Variants in DOCK9 observed in about 807,000 individuals in gnomAD.
The protein encoded by DOCK9 is dedicator of cytokinesis protein 9.
In DOCK9, 89 loss-of-function variants were observed where a neutral mutation model predicts 263.3. That is an observed-to-expected ratio of 0.34 (90% CI 0.28 to 0.40). DOCK9 has a LOEUF of 0.40. Ranked by LOEUF, DOCK9 falls within the 10% of genes least tolerant of loss-of-function variation. The pLI, the probability that DOCK9 is intolerant of heterozygous loss-of-function variation, is 1.00. For missense variants in DOCK9, 2,140 were observed against 2,603.4 expected (o/e 0.82, Z 3.87); for synonymous variants, 976 against 973.1 (o/e 1.00, Z -0.06).
chr13:98,989,864 C>T (rs1438468240), intron 1 of DOCK9, among the ~76,000 whole-genome samples: 1 of 152,212 alleles, frequency 6.6e-6, no homozygotes, highest in Non-Finnish European at 1.5e-5. Context: ...CCTCTTCCCC[C>T]ACTCCTCCTT....
chr13:99,021,766 C>T (rs1165317096), intron 1 of DOCK9, among the ~76,000 whole-genome samples: 3 of 151,872 alleles, frequency 2.0e-5, no homozygotes, highest in Non-Finnish European at 4.4e-5. Context: ...CTCCAAACAC[C>T]GCATGTTCTC....
intron 1 of DOCK9, among the ~76,000 whole-genome samples, chr13:99,028,305 A>G (rs1053221921): frequency 6.6e-6 from 1 of 152,174 alleles, no homozygotes; most frequent in Admixed American, 6.5e-5. Context: ...AAGAGTCAGG[A>G]AGGACCACGG....
intron 13 of DOCK9, among the ~76,000 whole-genome samples, chr13:98,900,270 T>C (rs150333385): frequency 8.5e-5 from 13 of 152,326 alleles, no homozygotes; most frequent in African/African-American, 2.4e-4. Flanking sequence ...TACACCAATA[T>C]GAGCTGCCAA....
rs533788602 is a variant in DOCK9, at chr13:98,950,308, C to G, written c.243+5127G>C. On this transcript the variant is annotated intron_variant, in intron 2 of 52. Coordinates refer to ENST00000682017, the MANE Select transcript of DOCK9 (RefSeq NM_001366683.2). ...TAGGAATGATTCCAGTCGCTTAAAC[C>G]TGAGCTGTTTTCCTTTCTTCTGCTC... 6.8e-5 allele frequency: 54 copies of G among 789,500 alleles called. No homozygotes were observed. The African/African-American group carries it at 8.2e-4, about 12-fold the overall frequency. The allele number at this position is 789,500 out of a possible 1,614,324, so 48.9% of individuals were successfully genotyped here.
intron 27 of DOCK9, among the ~76,000 whole-genome samples, chr13:98,878,979 C>A (rs878996674): frequency 6.6e-6 from 1 of 152,102 alleles, no homozygotes; most frequent in African/African-American, 2.4e-5. Context: ...CAGCACCACC[C>A]GCTCCCTGCA....
Position 98,925,878 on chromosome 13 carries a change from A to G in DOCK9, c.375T>C (p.Tyr125=), listed in dbSNP as rs773101660. 1.3e-6 allele frequency: 2 copies of G among 1,586,552 alleles called. No homozygotes were observed. Among genetic ancestry groups the G allele is most frequent in the African/African-American group, 2.7e-5 (2 of 74,542 alleles). ...ACTCTCCTGAGTAATCTTCATATTT[A>G]TAGTTCACAAGATGCCAGTCAGAGT... is the stretch of plus-strand genomic sequence containing the variant. The part of the protein sequence containing the change: ...TYNSDWHLVN[Y]KYEDYSGEFR... The change falls in exon 4 of 53, where the codon TAT becomes TAC. Residue 125 remains tyrosine, a synonymous_variant. Transcript: ENST00000682017.
intron 49 of DOCK9, among the ~76,000 whole-genome samples, chr13:98,803,122 A>G (rs1218929933): frequency 7.2e-5 from 11 of 152,088 alleles, no homozygotes; most frequent in Admixed American, 6.5e-4. Flanking sequence ...GGCTGTCTCA[A>G]CCCACAGCTG....
intron 1 of DOCK9, among the ~76,000 whole-genome samples, chr13:99,074,901 G>A (rs1439402672): frequency 2.6e-5 from 4 of 152,124 alleles, no homozygotes; most frequent in East Asian, 1.9e-4. Flanking sequence ...GGTGTCACAC[G>A]GTGTTTTAAG....
chr13:99,034,852 CCAG>C (rs1391482580), intron 1 of DOCK9, among the ~76,000 whole-genome samples: 1 of 152,124 alleles, frequency 6.6e-6, no homozygotes, highest in African/African-American at 2.4e-5. Context: ...AAGGTGGATG[CCAG>C]GAGTTGAGGT....
Position 98,826,947 on chromosome 13 carries a change from C to T in DOCK9, c.4966-60G>A, listed in dbSNP as rs1447522619. ...TCATAACAGCAAGTCATAATGCTCC[C>T]ACACAGACAGAAATCTAATCAATGT... On this transcript the variant is annotated intron_variant, in intron 43 of 52. Coordinates refer to ENST00000682017, the MANE Select transcript of DOCK9 (RefSeq NM_001366683.2). 7.6e-6 allele frequency: 10 copies of T among 1,310,862 alleles called. No homozygotes were observed. In the Admixed American group the frequency reaches 2.0e-4, roughly 27 times the overall value. 81.2% of individuals were successfully genotyped at this position (1,310,862 alleles called of 1,614,324 possible).
chr13:99,086,925 G>A (rs1314348679), upstream of DOCK9, among the ~76,000 whole-genome samples: 1 of 152,054 alleles, frequency 6.6e-6, no homozygotes, highest in Non-Finnish European at 1.5e-5. Flanking sequence ...ACGCCACCAA[G>A]AGGGCGCACA....
At chr13:98,926,861 C>T (rs944318053) in intron 3 of DOCK9, among the ~76,000 whole-genome samples, 3 of 152,232 alleles carry the variant, frequency 2.0e-5, no homozygotes, top group African/African-American at 7.2e-5. Context: ...TTATTTGGCT[C>T]TGGCTGTAAC....
At chr13:99,015,478 T>C in intron 1 of DOCK9, 1 of 1,597,292 alleles carries the variant, frequency 6.3e-7, no homozygotes, top group Non-Finnish European at 8.5e-7. Flanking sequence ...TTCTGAATCT[T>C]CTTTTGTCCA....
chr13:98,990,080 C>T (rs1448554136), intron 1 of DOCK9, among the ~76,000 whole-genome samples: 2 of 152,174 alleles, frequency 1.3e-5, no homozygotes, highest in Non-Finnish European at 2.9e-5. Context: ...TGCTCACAGC[C>T]TCAGTTACAA....
intron 19 of DOCK9, 60 bp downstream of exon 19, chr13:98,886,470 AAT>A: frequency 6.9e-7 from 1 of 1,452,026 alleles, no homozygotes; most frequent in South Asian, 1.2e-5. Flanking sequence ...TTACCAGGCA[AAT>A]ACATTAAAGT....
intron 52 of DOCK9, chr13:98,796,153 T>C: frequency 2.8e-6 from 4 of 1,415,308 alleles, no homozygotes; most frequent in Non-Finnish European, 3.9e-6. Flanking sequence ...AAAAAAGTAA[T>C]AGCTTTTTCT....
rs1400926892 is a variant in DOCK9, at chr13:98,824,480, G to A, written c.5048C>T (p.Ala1683Val). The A allele has an allele frequency of 6.2e-7, 1 of 1,613,854 alleles. No individual in the cohort carries two copies. The highest frequency in any genetic ancestry group is 1.1e-5 in the South Asian group (1 of 91,082). ...GATGTTTGGGGTAATGACCCTGAAG[G>A]CGGTGCATCCTTGTCTAAACACGCC... The part of the protein sequence containing the change: ...RKGVFRQGCT[A>V]FRVITPNIDE... The change falls in exon 45 of 53, where the codon GCC (alanine) becomes GTC (valine). Residue 1683 changes from alanine to valine, a missense_variant. Around this residue, in one of 2 missense-constraint regions of DOCK9, gnomAD observed 619 missense variants for 861.8 expected, o/e 0.72. Transcript: ENST00000682017.
intron 1 of DOCK9, among the ~76,000 whole-genome samples, chr13:99,024,925 A>G (rs946323172): frequency 2.6e-5 from 4 of 152,202 alleles, no homozygotes; most frequent in African/African-American, 9.6e-5. Flanking sequence ...TAAACATTCC[A>G]TATTTCCCTG....
At chr13:98,921,888 G>A (rs575143359) in intron 6 of DOCK9, among the ~76,000 whole-genome samples, 163 bp downstream of exon 6, 14 of 152,308 alleles carry the variant, frequency 9.2e-5, no homozygotes, top group African/African-American at 2.9e-4. Context: ...GGTGGATGAG[G>A]CTGTGCCAAT....
Sources: gnomAD v4.1 joint callset for allele counts (sites outside exome capture counted in the v4.1 genomes callset) on GRCh38, gnomAD v4.1.1 for gene constraint, gnomAD v4.1.1 regional missense constraint, MANE v1.5 for transcripts, NCBI Gene and HGNC (gene_info 2026-07-23, HGNC 2026-07-21) for gene names.